RHOF: variants seen among roughly 807,000 people sequenced by gnomAD.
RHOF encodes rho-related GTP-binding protein RhoF.
Under a neutral mutation model 22.2 loss-of-function variants are expected in RHOF, and 21 were observed. The observed-to-expected ratio is 0.95, with a 90% CI of 0.67 to 1.36. The LOEUF is 1.36. RHOF is among the 40% of genes most tolerant of loss of function. The pLI is 0.00. For missense variants in RHOF, 285 were observed against 293.7 expected, an observed-to-expected ratio of 0.97 and a Z score of 0.22; for synonymous variants, 135 against 131.2, an observed-to-expected ratio of 1.03 and a Z score of -0.20.
At position 121,779,453 on chromosome 12, in the gene RHOF, C is replaced by G. The variant is rs551464295; in HGVS notation, c.*45G>C. ...CTCCCTGGTGCAATCGGCACCTGGG[C>G]CCCCGGGCCCTGTCAGTGCTGTCGT... On this transcript the variant is annotated 3_prime_UTR_variant, in exon 5 of 5. Coordinates refer to ENST00000267205, the MANE Select transcript of RHOF (RefSeq NM_019034.3). 2 of 1,593,642 alleles carry G rather than the reference C, an allele frequency of 1.3e-6. No individual in the cohort carries two copies. Among genetic ancestry groups the G allele is most frequent in the African/African-American group, 1.3e-5 (1 of 74,636 alleles).
chr12:121,780,757 A>G, intron 4 of RHOF, 115 bp downstream of exon 4: 1 of 1,204,474 alleles, frequency 8.3e-7, no homozygotes, highest in Non-Finnish European at 1.1e-6. Flanking sequence ...TTATTCTTAG[A>G]ATCTTGCTTC....
chr12:121,788,762 G>A (rs2137503959), intron 2 of RHOF, among the ~76,000 whole-genome samples: 1 of 152,216 alleles, frequency 6.6e-6, no homozygotes, highest in Non-Finnish European at 1.5e-5. Context: ...CCAGGAGAAG[G>A]GAGGCAATGC....
chr12:121,780,841 G>A lies in RHOF; in HGVS notation c.471+31C>T, dbSNP rs1012976609. On this transcript the variant is annotated intron_variant, in intron 4 of 4. Transcript: ENST00000267205. ...AGGTCCGGGAGGCTTCACAGCCACG[G>A]CTGTGCCCCAGGGTCTTGGCCCCGG... is the stretch of plus-strand genomic sequence containing the variant. 3.1e-6 allele frequency: 5 copies of A among 1,601,868 alleles called. No individual in the cohort carries two copies. The African/African-American group carries it at 5.4e-5, about 17-fold the overall frequency.
intron 1 of RHOF, 25 bp from the exon 2 acceptor site, chr12:121,793,264 T>G: frequency 1.3e-6 from 2 of 1,545,654 alleles, no homozygotes; most frequent in Non-Finnish European, 1.8e-6. Context: ...GTCGGGTTGG[T>G]CCTTAGTGGG....
chr12:121,786,072 C>T (rs371312515), intron 2 of RHOF, among the ~76,000 whole-genome samples: 33 of 151,718 alleles, frequency 2.2e-4, no homozygotes, highest in African/African-American at 6.8e-4. Flanking sequence ...CCCACCACCA[C>T]GCCCGGCTAA....
In RHOF at chr12:121,779,656, T is replaced by C; in HGVS notation, c.478A>G (p.Ser160Gly). Reference protein sequence around the residue: ...LEPITYMQGLSACEQIRAALY... With the variant: ...LEPITYMQGLGACEQIRAALY... The stretch of plus-strand genomic sequence containing the variant: ...GCAGCTCGGATCTGTTCGCAGGCGC[T>C]CAGGCCCTGGGTGGGGGGAGGAGCC... Residue 160 changes from serine (S) to glycine (G), a missense_variant, in exon 5 of 5, where the codon AGC (serine) becomes GGC (glycine). Physicochemically the swap from Ser to Gly is moderately conservative, Grantham distance 56. Coordinates refer to ENST00000267205, the MANE Select transcript of RHOF (RefSeq NM_019034.3). 2 of 1,613,860 alleles carry C rather than the reference T, an allele frequency of 1.2e-6. No homozygotes were observed. The highest frequency in any genetic ancestry group is 2.2e-5 in the South Asian group (2 of 91,082).
chr12:121,788,950 G>A (rs538163053), intron 2 of RHOF, among the ~76,000 whole-genome samples: 2 of 152,250 alleles, frequency 1.3e-5, no homozygotes, highest in Admixed American at 6.5e-5. Context: ...CAGCCACCAG[G>A]TGATACCATT....
intron 2 of RHOF, among the ~76,000 whole-genome samples, chr12:121,789,522 C>T (rs1874708019): frequency 1.3e-5 from 2 of 152,150 alleles, no homozygotes; most frequent in Non-Finnish European, 1.5e-5. Flanking sequence ...ACACACAGGG[C>T]GGGTGGACCC....
At chr12:121,791,553 A>T (rs1330869681) in intron 2 of RHOF, among the ~76,000 whole-genome samples, 1 of 152,156 alleles carries the variant, frequency 6.6e-6, no homozygotes, top group Non-Finnish European at 1.5e-5. Context: ...TGGTGACTGT[A>T]GCAGGGGATG....
intron 2 of RHOF, among the ~76,000 whole-genome samples, chr12:121,789,467 G>C (rs1874706455): frequency 1.3e-5 from 2 of 152,150 alleles, no homozygotes; most frequent in South Asian, 4.1e-4. Context: ...GGTCTCTAAG[G>C]CCCAGAGCAG....
At chr12:121,783,987 T>C (rs1333715397) in intron 2 of RHOF, among the ~76,000 whole-genome samples, 6 of 152,092 alleles carry the variant, frequency 3.9e-5, no homozygotes, top group Non-Finnish European at 2.9e-5. Flanking sequence ...CTCACTGCAG[T>C]CCCGCCAAGG....
chr12:121,781,275 G>A (rs1874448076), intron 2 of RHOF, 83 bp from the exon 3 acceptor site: 1 of 1,274,990 alleles, frequency 7.8e-7, no homozygotes, highest in Admixed American at 1.9e-5. Context: ...GGCCAGGCAA[G>A]TGACCCTGCC....
At chr12:121,781,835 A>ACAGCAC (rs1378920187) in intron 2 of RHOF, 1 of 152,664 alleles carries the variant, frequency 6.6e-6, no homozygotes, top group Non-Finnish European at 1.5e-5. Flanking sequence ...GTTGCTGGGA[A>ACAGCAC]CAGCACCGAG....
chr12:121,782,328 AT>A (rs1192938025), intron 2 of RHOF: 7 of 151,770 alleles, frequency 4.6e-5, no homozygotes, highest in South Asian at 2.1e-4. Flanking sequence ...ATTGTCCTTT[AT>A]TTTTTTCCCC....
chr12:121,779,602 G>T lies in RHOF; in HGVS notation c.532C>A (p.Arg178=). ...CGGAAGACGTCCTCCACATTCTCCC[G>T]AAACTTGGCGGAACATTCCAGGTAG... is the stretch of plus-strand genomic sequence containing the variant. ...ALYLECSAKF[R]ENVEDVFREA... is the part of the protein sequence containing the mutation. The change falls in exon 5 of 5, where the codon CGG becomes AGG. Residue 178 remains arginine (R), a synonymous_variant. Coordinates refer to ENST00000267205, the MANE Select transcript of RHOF (RefSeq NM_019034.3). 6.2e-7 allele frequency: 1 copy of T among 1,614,222 alleles called. No individual in the cohort carries two copies. Among genetic ancestry groups the T allele is most frequent in the Non-Finnish European group, 8.5e-7 (1 of 1,180,036 alleles).
At chr12:121,780,540 CTT>C (rs1474652229) in intron 4 of RHOF, 2 of 462,478 alleles carry the variant, frequency 4.3e-6, no homozygotes, top group Admixed American at 3.8e-5. Context: ...ATAGCACAGA[CTT>C]TGGATTGCAG....
chr12:121,793,094 A>C (rs1348479382), intron 2 of RHOF, 58 bp downstream of exon 2: 1 of 1,426,710 alleles, frequency 7.0e-7, no homozygotes, highest in African/African-American at 1.4e-5. Flanking sequence ...GACGCCCGGG[A>C]GGGGAAACCC....
rs1255698190 is a variant in RHOF, at chr12:121,779,211, G to A, written c.*287C>T. Reference sequence around the variant, plus strand: ...AAGCATAACTTGAGTCTGCACTGGGGAGACACTCGTGGTGGGGGTGGCTGT... The same window carrying A: ...AAGCATAACTTGAGTCTGCACTGGGAAGACACTCGTGGTGGGGGTGGCTGT... On this transcript the variant is annotated 3_prime_UTR_variant, in exon 5 of 5. Coordinates refer to ENST00000267205, the MANE Select transcript of RHOF (RefSeq NM_019034.3). 2 of 481,578 alleles carry A rather than the reference G, an allele frequency of 4.2e-6. No individual in the cohort carries two copies. The highest frequency in any genetic ancestry group is 7.6e-6 in the Non-Finnish European group (2 of 263,230). 29.8% of individuals were successfully genotyped at this position (481,578 alleles called of 1,614,324 possible). A position where few individuals can be genotyped will look rare whatever the true frequency, so the allele number is the denominator to read the frequency against.
At chr12:121,792,613 G>C (rs1018295939) in intron 2 of RHOF, among the ~76,000 whole-genome samples, 2 of 152,238 alleles carry the variant, frequency 1.3e-5, no homozygotes, top group Non-Finnish European at 2.9e-5. Context: ...ACTGCAAGCC[G>C]TGGAATCCTG....
Sources: gnomAD v4.1 joint callset for allele counts (sites outside exome capture counted in the v4.1 genomes callset) on GRCh38, gnomAD v4.1.1 for gene constraint, MANE v1.5 for transcripts, NCBI Gene and HGNC (gene_info 2026-07-23, HGNC 2026-07-21) for gene names.